Variants in CEP63 observed in about 807,000 individuals in gnomAD.
The protein encoded by CEP63 is centrosomal protein of 63 kDa.
Under a neutral mutation model 89.1 loss-of-function variants are expected in CEP63, and 84 were observed. The ratio of observed to expected loss-of-function variants is 0.94; its 90% CI spans 0.79 to 1.13. CEP63 has a LOEUF of 1.13. Ranked by LOEUF, CEP63 falls within the 50% of genes most tolerant of loss-of-function variation. The pLI, the probability that CEP63 is intolerant of heterozygous loss-of-function variation, is 0.00. For synonymous variants in CEP63, 267 were observed against 272.5 expected (o/e 0.98, Z 0.20); for missense variants, 838 against 813.3 (o/e 1.03, Z -0.37).
At chr3:134,548,844 T>G (rs1342194509) in intron 9 of CEP63, among the ~76,000 whole-genome samples, 1 of 152,240 alleles carries the variant, frequency 6.6e-6, no homozygotes, top group Non-Finnish European at 1.5e-5. Flanking sequence ...TCCGTTTGAC[T>G]AAAATTAAGT....
At chr3:134,741,242 G>C in the CEP63 span, among the ~76,000 whole-genome samples, 1 of 152,126 alleles carries the variant, frequency 6.6e-6, no homozygotes, top group East Asian at 1.9e-4. Context: ...TGAGAACTTG[G>C]TTTCTTCGGT....
chr3:134,575,070 A>C, downstream of CEP63: 1 of 390,090 alleles, frequency 2.6e-6, no homozygotes, highest in Non-Finnish European at 4.5e-6. Context: ...AAAGACTGTC[A>C]CTAAAAACAT....
At chr3:134,615,190 A>T in the CEP63 span, 1 of 152,440 alleles carries the variant, frequency 6.6e-6, no homozygotes, top group Admixed American at 6.5e-5. Context: ...CCAGGGCCCC[A>T]TGCAGAACCT....
chr3:134,564,430 C>T lies in CEP63; in HGVS notation c.*2895C>T, dbSNP rs1957618196. ...TGACCCATGTCAGGGAACGTTTCTC[C>T]TCATTGCTGTCATGGCACCCTGTGT... is the stretch of plus-strand genomic sequence containing the variant. On this transcript the variant is annotated 3_prime_UTR_variant, in exon 15 of 15. Transcript: ENST00000675561. 1 of 985,324 alleles carries T rather than the reference C, an allele frequency of 1.0e-6. No individual in the cohort carries two copies. Among genetic ancestry groups the T allele is most frequent in the Admixed American group, 6.2e-5 (1 of 16,258 alleles). The allele number at this position is 985,324 out of a possible 1,614,324, so 61.0% of individuals were successfully genotyped here. A position where few individuals can be genotyped will look rare whatever the true frequency, so the allele number is the denominator to read the frequency against.
chr3:134,701,043 T>G, the CEP63 span, among the ~76,000 whole-genome samples: 2,250 of 151,694 alleles, frequency 0.015, 29 homozygotes, highest in Non-Finnish European at 0.025. Flanking sequence ...TTTTTGTGTG[T>G]GTCATTTTGT....
chr3:134,729,016 C>T, the CEP63 span, among the ~76,000 whole-genome samples: 1 of 152,228 alleles, frequency 6.6e-6, no homozygotes, highest in African/African-American at 2.4e-5. Flanking sequence ...CACACACATG[C>T]ACACATATAA....
chr3:134,543,354 T>G (rs1952465387), intron 6 of CEP63, among the ~76,000 whole-genome samples: 1 of 152,226 alleles, frequency 6.6e-6, no homozygotes, highest in African/African-American at 2.4e-5. Context: ...GCAGCCCTAG[T>G]GCATTCTAGG....
chr3:134,532,590 T>A (rs1397900234), intron 4 of CEP63, among the ~76,000 whole-genome samples, 188 bp from the exon 5 acceptor site: 1 of 152,210 alleles, frequency 6.6e-6, no homozygotes, highest in Non-Finnish European at 1.5e-5. Context: ...TTTCTTTGAA[T>A]ATATTTCTTT....
chr3:134,692,367 T>G, the CEP63 span, among the ~76,000 whole-genome samples: 1 of 152,034 alleles, frequency 6.6e-6, no homozygotes, highest in Non-Finnish European at 1.5e-5. Context: ...GTGTTTGTTT[T>G]TTTTTTGTCC....
intron 2 of CEP63, among the ~76,000 whole-genome samples, chr3:134,503,921 T>TG (rs1407545786): frequency 6.6e-6 from 1 of 152,158 alleles, no homozygotes; most frequent in African/African-American, 2.4e-5. Flanking sequence ...AGTTAGGTCT[T>TG]GCTTTTTATA....
the CEP63 span, among the ~76,000 whole-genome samples, chr3:134,739,882 T>G: frequency 6.6e-6 from 1 of 152,168 alleles, no homozygotes. Context: ...TTCAACAACG[T>G]GTTTCAAGTG....
At chr3:134,577,354 A>G (rs956230256), downstream of CEP63, among the ~76,000 whole-genome samples, 1 of 151,868 alleles carries the variant, frequency 6.6e-6, no homozygotes, top group Admixed American at 6.6e-5. Flanking sequence ...ACAAATGTCA[A>G]CATTTCATCA....
the CEP63 span, among the ~76,000 whole-genome samples, chr3:134,691,739 T>C: frequency 6.6e-6 from 1 of 152,182 alleles, no homozygotes; most frequent in African/African-American, 2.4e-5. Context: ...AATGGCATTC[T>C]TTTTTTATTT....
chr3:134,663,962 A>T, the CEP63 span, among the ~76,000 whole-genome samples: 2 of 152,154 alleles, frequency 1.3e-5, no homozygotes, highest in African/African-American at 4.8e-5. Context: ...GGGTGGGGAC[A>T]GGGAAGAGCA....
intron 9 of CEP63, among the ~76,000 whole-genome samples, chr3:134,548,213 CA>C (rs1954000430): frequency 6.6e-6 from 1 of 152,128 alleles, no homozygotes; most frequent in African/African-American, 2.4e-5. Context: ...TCTTTAAGAC[CA>C]AATTCTTCAA....
chr3:134,542,759 G>A (rs1952319869), intron 6 of CEP63, among the ~76,000 whole-genome samples: 1 of 151,986 alleles, frequency 6.6e-6, no homozygotes, highest in South Asian at 2.1e-4. Flanking sequence ...GGCCACACTG[G>A]CCTTTTGTTT....
At chr3:134,522,061 C>T (rs1947581284) in intron 3 of CEP63, among the ~76,000 whole-genome samples, 1 of 152,062 alleles carries the variant, frequency 6.6e-6, no homozygotes, top group Non-Finnish European at 1.5e-5. Context: ...CTCATTGTTT[C>T]TTTTGGATCT....
At chr3:134,764,884 C>G in the CEP63 span, among the ~76,000 whole-genome samples, 1 of 152,206 alleles carries the variant, frequency 6.6e-6, no homozygotes, top group Non-Finnish European at 1.5e-5. Context: ...TAGCATACTT[C>G]TAGCAGTTTT....
chr3:134,714,726 G>T, the CEP63 span, among the ~76,000 whole-genome samples: 3 of 152,224 alleles, frequency 2.0e-5, no homozygotes, highest in African/African-American at 7.2e-5. Context: ...TATACAGGTG[G>T]TTGTAACCAC....
Sources: allele counts gnomAD v4.1 joint callset (sites outside exome capture counted in the v4.1 genomes callset), GRCh38; gene constraint gnomAD v4.1.1; transcripts MANE v1.5; gene names NCBI Gene and HGNC (gene_info 2026-07-23, HGNC 2026-07-21).